ANKRD33B: variants seen among roughly 807,000 people sequenced by gnomAD.
ANKRD33B encodes ankyrin repeat domain 33B.
In ANKRD33B, 6 loss-of-function variants were observed where a neutral mutation model predicts 21.5. That is an observed-to-expected ratio of 0.28 (90% CI 0.15 to 0.55). The LOEUF (loss-of-function observed/expected upper bound fraction) is 0.55. ANKRD33B is among the 20% of genes least tolerant of loss of function. The probability of loss-of-function intolerance (pLI) is 0.94; values close to 1 mark genes in which losing one functional copy is unlikely to be tolerated. For missense variants in ANKRD33B, 698 were observed against 747.2 expected (o/e 0.93, Z 0.77); for synonymous variants, 347 against 342.4 (o/e 1.01, Z -0.15).
chr5:10,584,187 A>G (rs1735505108), intron 1 of ANKRD33B, among the ~76,000 whole-genome samples: 1 of 152,238 alleles, frequency 6.6e-6, no homozygotes, highest in Admixed American at 6.5e-5. Flanking sequence ...TTTGATTTTC[A>G]AAGTGATTTT....
intron 2 of ANKRD33B, among the ~76,000 whole-genome samples, chr5:10,620,899 G>C (rs531517715): frequency 3.3e-5 from 5 of 152,264 alleles, no homozygotes; most frequent in African/African-American, 9.6e-5. Flanking sequence ...TGAATATCCT[G>C]TTTCCCCACC....
chr5:10,629,159 C>T (rs1736647989), intron 2 of ANKRD33B, among the ~76,000 whole-genome samples: 1 of 152,148 alleles, frequency 6.6e-6, no homozygotes, highest in Non-Finnish European at 1.5e-5. Flanking sequence ...TTGGTGTCAC[C>T]GTGCTGCTGG....
intron 2 of ANKRD33B, among the ~76,000 whole-genome samples, chr5:10,621,988 A>G (rs1478815465): frequency 6.6e-6 from 1 of 152,262 alleles, no homozygotes; most frequent in Admixed American, 6.5e-5. Flanking sequence ...GTAAGGACAC[A>G]GTGAGAAGAC....
intron 1 of ANKRD33B, among the ~76,000 whole-genome samples, chr5:10,609,511 C>G (rs1291771052): frequency 6.6e-6 from 1 of 152,128 alleles, no homozygotes; most frequent in Non-Finnish European, 1.5e-5. Flanking sequence ...GTGATGCACT[C>G]CAGCAGGTAA....
intron 2 of ANKRD33B, among the ~76,000 whole-genome samples, chr5:10,626,699 C>G (rs907702544): frequency 6.6e-6 from 1 of 152,200 alleles, no homozygotes; most frequent in South Asian, 2.1e-4. Flanking sequence ...CACGGCTTCA[C>G]GTTGCAACAC....
At chr5:10,647,015 G>A (rs1579760349) in intron 3 of ANKRD33B, among the ~76,000 whole-genome samples, 1 of 152,184 alleles carries the variant, frequency 6.6e-6, no homozygotes, top group African/African-American at 2.4e-5. Flanking sequence ...GTCGGGTCCG[G>A]TCCCCTTTGA....
chr5:10,617,729 A>G (rs993307248), intron 1 of ANKRD33B, among the ~76,000 whole-genome samples: 2 of 151,868 alleles, frequency 1.3e-5, no homozygotes, highest in Non-Finnish European at 2.9e-5. Context: ...TGCCTCCTGG[A>G]CCCGGGTTAC....
At chr5:10,642,392 A>G in intron 3 of ANKRD33B, among the ~76,000 whole-genome samples, 1 of 152,160 alleles carries the variant, frequency 6.6e-6, no homozygotes, top group Non-Finnish European at 1.5e-5. Context: ...CACAGTCTAG[A>G]ACAATCCACG....
At chr5:10,572,184 C>T (rs1180548325) in intron 1 of ANKRD33B, among the ~76,000 whole-genome samples, 3 of 152,160 alleles carry the variant, frequency 2.0e-5, no homozygotes, top group African/African-American at 7.2e-5. Flanking sequence ...CCACCACACC[C>T]GGCCAGGGCA....
chr5:10,643,587 G>T (rs140463332), intron 3 of ANKRD33B, among the ~76,000 whole-genome samples: 1 of 151,650 alleles, frequency 6.6e-6, no homozygotes, highest in South Asian at 2.1e-4. Flanking sequence ...AGGCTGAGGC[G>T]GGTGGATCAC....
intron 1 of ANKRD33B, among the ~76,000 whole-genome samples, chr5:10,570,921 T>TG (rs371919696): frequency 0.14 from 19,182 of 135,570 alleles, 1,252 homozygotes; most frequent in East Asian, 0.22. Flanking sequence ...TTTTTTTTTT[T>TG]GTCAATTAGG....
intron 1 of ANKRD33B, among the ~76,000 whole-genome samples, chr5:10,596,157 G>T (rs7710070): frequency 0.42 from 64,390 of 151,986 alleles, 14,108 homozygotes; most frequent in Admixed American, 0.54. Context: ...CTTTCTTTTT[G>T]TCCCCCTCAA....
chr5:10,649,138 A>C (rs1004331374), intron 3 of ANKRD33B, 128 bp from the exon 4 acceptor site: 3 of 1,417,680 alleles, frequency 2.1e-6, no homozygotes, highest in African/African-American at 1.5e-5. Flanking sequence ...AACTAGGTGC[A>C]GTCTGTTAGG....
intron 1 of ANKRD33B, among the ~76,000 whole-genome samples, chr5:10,610,064 G>A (rs1312793527): frequency 6.6e-6 from 1 of 152,226 alleles, no homozygotes; most frequent in Non-Finnish European, 1.5e-5. Flanking sequence ...AGTCTTACTG[G>A]CAATCAGGAA....
At chr5:10,567,795 T>C (rs1277884191) in intron 1 of ANKRD33B, among the ~76,000 whole-genome samples, 2 of 152,336 alleles carry the variant, frequency 1.3e-5, no homozygotes, top group East Asian at 3.9e-4. Context: ...GGGAACCTCG[T>C]TGGAGCCTGG....
intron 2 of ANKRD33B, among the ~76,000 whole-genome samples, chr5:10,621,001 A>C (rs1223141279): frequency 1.3e-5 from 2 of 151,658 alleles, no homozygotes; most frequent in Non-Finnish European, 2.9e-5. Flanking sequence ...CTTTAGCCCC[A>C]CCCTTTTTTT....
chr5:10,566,542 C>A (rs745743210), intron 1 of ANKRD33B, among the ~76,000 whole-genome samples: 1 of 152,242 alleles, frequency 6.6e-6, no homozygotes, highest in Non-Finnish European at 1.5e-5. Flanking sequence ...CTGGAATGGG[C>A]ACAGGAGGGG....
chr5:10,646,227 A>G (rs1281615224), intron 3 of ANKRD33B, among the ~76,000 whole-genome samples: 1 of 152,218 alleles, frequency 6.6e-6, no homozygotes, highest in Admixed American at 6.5e-5. Flanking sequence ...GCCCTGGGCA[A>G]AACAACACTG....
At chr5:10,588,359 G>T (rs189774884) in intron 1 of ANKRD33B, among the ~76,000 whole-genome samples, 1 of 152,076 alleles carries the variant, frequency 6.6e-6, no homozygotes, top group Non-Finnish European at 1.5e-5. Context: ...GGATATGTTC[G>T]TTTCTTTAAC....
Sources: gnomAD v4.1 joint callset for allele counts (sites outside exome capture counted in the v4.1 genomes callset) on GRCh38, gnomAD v4.1.1 for gene constraint, MANE v1.5 for transcripts, NCBI Gene and HGNC (gene_info 2026-07-23, HGNC 2026-07-21) for gene names.